Variants in GRM5 observed in about 807,000 individuals in gnomAD.
The protein encoded by GRM5 is glutamate metabotropic receptor 5, also known as metabotropic glutamate receptor 5.
Under a neutral mutation model 83.1 loss-of-function variants are expected in GRM5, and 19 were observed. The observed-to-expected ratio is 0.23, with a 90% CI of 0.16 to 0.34. The LOEUF (loss-of-function observed/expected upper bound fraction) is 0.34. Among genes scored for constraint, GRM5 ranks in the 10% least tolerant of loss-of-function variants. GRM5 has a pLI of 1.00. For missense variants in GRM5, 1,160 were observed against 1,588.3 expected, an observed-to-expected ratio of 0.73 and a Z score of 4.58; for synonymous variants, 675 against 633.6, an observed-to-expected ratio of 1.07 and a Z score of -0.98.
intron 2 of GRM5, among the ~76,000 whole-genome samples, chr11:88,864,925 A>G (rs1944636333): frequency 6.6e-6 from 1 of 152,020 alleles, no homozygotes; most frequent in Non-Finnish European, 1.5e-5. Flanking sequence ...TGAGATAGTC[A>G]TGTGGTTTTT....
At chr11:88,981,431 A>C (rs1187597945) in intron 2 of GRM5, among the ~76,000 whole-genome samples, 3 of 152,196 alleles carry the variant, frequency 2.0e-5, no homozygotes, top group Non-Finnish European at 4.4e-5. Flanking sequence ...TTAAATTTTT[A>C]AATGGCAAAA....
At chr11:88,958,541 T>C (rs1185357597) in intron 2 of GRM5, among the ~76,000 whole-genome samples, 1 of 152,086 alleles carries the variant, frequency 6.6e-6, no homozygotes, top group Non-Finnish European at 1.5e-5. Flanking sequence ...CACATTTCAA[T>C]ATAAAATATA....
chr11:88,952,313 A>G (rs1938491340), intron 2 of GRM5, among the ~76,000 whole-genome samples: 1 of 152,216 alleles, frequency 6.6e-6, no homozygotes, highest in Admixed American at 6.5e-5. Context: ...TAATGTGCCC[A>G]TATAGCTCTC....
chr11:88,701,909 T>C (rs1177377658), intron 3 of GRM5, among the ~76,000 whole-genome samples: 6 of 152,138 alleles, frequency 3.9e-5, no homozygotes, highest in Admixed American at 3.3e-4. Flanking sequence ...ACTTAGGTAA[T>C]GTTTATAATT....
intron 2 of GRM5, among the ~76,000 whole-genome samples, chr11:89,007,761 G>C (rs1013849561): frequency 3.3e-5 from 5 of 152,106 alleles, no homozygotes; most frequent in Admixed American, 2.0e-4. Context: ...AAGGCAGGGA[G>C]GGCAGTTAGA....
At chr11:88,910,120 C>T (rs546664962) in intron 2 of GRM5, among the ~76,000 whole-genome samples, 47 of 152,192 alleles carry the variant, frequency 3.1e-4, no homozygotes, top group African/African-American at 7.9e-4. Flanking sequence ...TACTTTCTAC[C>T]TCCATCAACG....
chr11:88,713,113 C>A (rs2135386199), intron 3 of GRM5, among the ~76,000 whole-genome samples: 1 of 152,016 alleles, frequency 6.6e-6, no homozygotes, highest in African/African-American at 2.4e-5. Flanking sequence ...CAATTGTATA[C>A]CAGAAAGCAT....
At position 88,506,495 on chromosome 11, in the gene GRM5, TAGAGGCAGAC is replaced by T. The variant is rs1398449909; in HGVS notation, c.*2087_*2096del. 6.6e-6 allele frequency: 1 copy of T among 152,182 alleles called. No homozygotes were observed. Among genetic ancestry groups the T allele is most frequent in the East Asian group, 1.9e-4 (1 of 5,190 alleles). 9.4% of individuals were successfully genotyped at this position (152,182 alleles called of 1,614,324 possible). On this transcript the variant is annotated 3_prime_UTR_variant, in exon 10 of 10. Transcript: ENST00000305447. Reference sequence around the variant, plus strand: ...AAAAGATTTCCATTTGTTTTTCAGATAGAGGCAGACATTTGCTTTTAATGAAACCATGAAA... The same window carrying T: ...AAAAGATTTCCATTTGTTTTTCAGATATTTGCTTTTAATGAAACCATGAAA...
At chr11:88,693,928 A>C (rs1940843489) in intron 3 of GRM5, among the ~76,000 whole-genome samples, 1 of 152,194 alleles carries the variant, frequency 6.6e-6, no homozygotes, top group African/African-American at 2.4e-5. Context: ...ATAAATGTGA[A>C]ATTTGTAAGC....
chr11:88,737,284 A>T (rs1941935759), intron 3 of GRM5, among the ~76,000 whole-genome samples: 1 of 152,090 alleles, frequency 6.6e-6, no homozygotes, highest in Admixed American at 6.6e-5. Flanking sequence ...TTTCACAGAC[A>T]GAGGTAAGAG....
At chr11:88,600,546 T>C (rs1451412067) in intron 5 of GRM5, among the ~76,000 whole-genome samples, 1 of 151,962 alleles carries the variant, frequency 6.6e-6, no homozygotes. Flanking sequence ...ATTTTATATA[T>C]TGCTCAAAAT....
chr11:88,729,523 C>T (rs1023927333), intron 3 of GRM5, among the ~76,000 whole-genome samples: 1 of 151,920 alleles, frequency 6.6e-6, no homozygotes, highest in South Asian at 2.1e-4. Context: ...ATTAGTAAAA[C>T]CTACTTTAAA....
intron 2 of GRM5, among the ~76,000 whole-genome samples, chr11:88,868,461 T>C (rs1335788171): frequency 6.6e-6 from 1 of 151,794 alleles, no homozygotes; most frequent in Non-Finnish European, 1.5e-5. Flanking sequence ...GCCTGACATA[T>C]AAATAAGGCT....
intron 3 of GRM5, among the ~76,000 whole-genome samples, chr11:88,694,497 G>A (rs895421451): frequency 4.6e-5 from 7 of 151,982 alleles, no homozygotes; most frequent in African/African-American, 1.2e-4. Context: ...GGGGAATACA[G>A]GTGGAAAGAA....
chr11:88,937,858 A>G (rs1937951378), intron 2 of GRM5, among the ~76,000 whole-genome samples: 1 of 151,764 alleles, frequency 6.6e-6, no homozygotes, highest in African/African-American at 2.4e-5. Flanking sequence ...GAAGTAATGC[A>G]TGAAATTGTA....
intron 3 of GRM5, 110 bp downstream of exon 3, chr11:88,849,796 C>T (rs1944358054): frequency 9.9e-7 from 1 of 1,013,028 alleles, no homozygotes; most frequent in Non-Finnish European, 1.5e-6. Context: ...TCTATTTCCA[C>T]TGCACAGATT....
chr11:89,019,913 C>T (rs1236808150), intron 2 of GRM5, among the ~76,000 whole-genome samples: 6 of 152,142 alleles, frequency 3.9e-5, no homozygotes, highest in Non-Finnish European at 5.9e-5. Flanking sequence ...GGAGGCCCCT[C>T]TTATTATGAT....
At chr11:88,867,594 T>C (rs1451038309) in intron 2 of GRM5, among the ~76,000 whole-genome samples, 3 of 151,736 alleles carry the variant, frequency 2.0e-5, no homozygotes, top group African/African-American at 2.4e-5. Context: ...CCTCAGAATG[T>C]GACTGTGTTT....
At chr11:88,933,921 A>G (rs1047641303) in intron 2 of GRM5, among the ~76,000 whole-genome samples, 1 of 151,898 alleles carries the variant, frequency 6.6e-6, no homozygotes, top group Non-Finnish European at 1.5e-5. Context: ...AAAGTGAACC[A>G]GACCTGGGCC....
Sources: allele counts gnomAD v4.1 joint callset (sites outside exome capture counted in the v4.1 genomes callset), GRCh38; gene constraint gnomAD v4.1.1; transcripts MANE v1.5; gene names NCBI Gene and HGNC (gene_info 2026-07-23, HGNC 2026-07-21).